BACH2: variants seen among roughly 807,000 people sequenced by gnomAD.
BACH2 encodes the protein BACH transcriptional regulator 2.
In BACH2, 5 loss-of-function variants were observed where a neutral mutation model predicts 61.8. The observed-to-expected ratio is 0.08, with a 90% CI of 0.04 to 0.17. BACH2 has a LOEUF of 0.17. Among genes scored for constraint, BACH2 ranks in the 10% least tolerant of loss-of-function variants. The pLI is 1.00. For missense variants in BACH2, 824 were observed against 1,091.1 expected (o/e 0.76, Z 3.45); for synonymous variants, 446 against 440.1 (o/e 1.01, Z -0.17).
chr6:90,172,944 T>C (rs1046634872), intron 4 of BACH2, among the ~76,000 whole-genome samples: 1 of 151,796 alleles, frequency 6.6e-6, no homozygotes, highest in Admixed American at 6.6e-5. Context: ...AAAAGAATGA[T>C]CCAAATTAAA....
chr6:90,292,087 T>C (rs1772198686), intron 1 of BACH2, among the ~76,000 whole-genome samples: 3 of 152,242 alleles, frequency 2.0e-5, no homozygotes. Flanking sequence ...GTTCTCTGTA[T>C]GTCACAGTCC....
intron 6 of BACH2, among the ~76,000 whole-genome samples, chr6:89,965,600 A>T (rs530291371): frequency 6.6e-6 from 1 of 152,364 alleles, no homozygotes; most frequent in Non-Finnish European, 1.5e-5. Flanking sequence ...AAACCGAGCT[A>T]GCCCTAGTAC....
chr6:90,141,266 C>T (rs111548256), intron 4 of BACH2, among the ~76,000 whole-genome samples: 8,166 of 152,190 alleles, frequency 0.054, 412 homozygotes, highest in Non-Finnish European at 0.08. Context: ...CTGCAACCTC[C>T]ACCTCCTGGG....
At chr6:90,052,506 G>A (rs563001496) in intron 5 of BACH2, among the ~76,000 whole-genome samples, 4 of 152,178 alleles carry the variant, frequency 2.6e-5, no homozygotes, top group East Asian at 3.9e-4. Context: ...TGCAACCTCC[G>A]TCTCCTGGGT....
intron 4 of BACH2, among the ~76,000 whole-genome samples, chr6:90,153,486 TCA>T (rs1210429164): frequency 1.3e-5 from 2 of 152,184 alleles, no homozygotes; most frequent in Non-Finnish European, 2.9e-5. Context: ...TACTATATTC[TCA>T]GTTAATGTCC....
At chr6:89,993,726 T>C (rs1776701577) in intron 6 of BACH2, among the ~76,000 whole-genome samples, 1 of 151,724 alleles carries the variant, frequency 6.6e-6, no homozygotes, top group South Asian at 2.1e-4. Context: ...TCAAGTGACA[T>C]GTGGATAGGG....
chr6:89,980,771 T>G (rs1775906793), intron 6 of BACH2, among the ~76,000 whole-genome samples: 1 of 152,236 alleles, frequency 6.6e-6, no homozygotes, highest in Non-Finnish European at 1.5e-5. Flanking sequence ...TTTCTTAATA[T>G]CATAGGATTC....
At chr6:90,064,203 T>C (rs1173150172) in intron 5 of BACH2, among the ~76,000 whole-genome samples, 1 of 152,194 alleles carries the variant, frequency 6.6e-6, no homozygotes, top group Non-Finnish European at 1.5e-5. Flanking sequence ...TTGAGTAGCA[T>C]TCACAACTTG....
At chr6:89,949,950 G>C (rs958588222) in intron 7 of BACH2, among the ~76,000 whole-genome samples, 3 of 151,962 alleles carry the variant, frequency 2.0e-5, no homozygotes, top group Non-Finnish European at 4.4e-5. Flanking sequence ...GAGGGGGAGA[G>C]AGGGAGGAGA....
intron 4 of BACH2, among the ~76,000 whole-genome samples, chr6:90,162,890 G>A (rs995412205): frequency 1.1e-4 from 16 of 152,164 alleles, no homozygotes; most frequent in African/African-American, 1.2e-4. Context: ...GTGTGTCTCC[G>A]AAATCTGCAA....
intron 5 of BACH2, among the ~76,000 whole-genome samples, chr6:90,062,367 T>G (rs1780728791): frequency 6.6e-6 from 1 of 152,210 alleles, no homozygotes; most frequent in South Asian, 2.1e-4. Flanking sequence ...ATCTGAAAGT[T>G]GTTTGGGTAG....
intron 6 of BACH2, among the ~76,000 whole-genome samples, chr6:89,952,582 C>G (rs1044530657): frequency 6.6e-6 from 1 of 152,130 alleles, no homozygotes; most frequent in Non-Finnish European, 1.5e-5. Context: ...AACAAACCGG[C>G]TCTCATTTAA....
intron 4 of BACH2, among the ~76,000 whole-genome samples, chr6:90,109,626 T>A (rs1783078290): frequency 6.6e-6 from 1 of 152,344 alleles, no homozygotes; most frequent in South Asian, 2.1e-4. Flanking sequence ...ATCTCAAGTA[T>A]AACATGGCCA....
chr6:90,255,837 A>G (rs150719630), intron 2 of BACH2, among the ~76,000 whole-genome samples: 41 of 152,294 alleles, frequency 2.7e-4, no homozygotes, highest in African/African-American at 9.6e-4. Flanking sequence ...GAAGGGTCCA[A>G]CGTGAAGCAG....
chr6:90,056,591 G>GGAATT (rs1381930081), intron 5 of BACH2, among the ~76,000 whole-genome samples: 2 of 151,952 alleles, frequency 1.3e-5, no homozygotes, highest in Non-Finnish European at 2.9e-5. Context: ...AGGATACCCA[G>GGAATT]GAATTGAACT....
chr6:89,963,123 A>G (rs540958031), intron 6 of BACH2, among the ~76,000 whole-genome samples: 1 of 152,350 alleles, frequency 6.6e-6, no homozygotes, highest in East Asian at 1.9e-4. Flanking sequence ...GCCAACAAAC[A>G]TATGAAAAGA....
intron 4 of BACH2, among the ~76,000 whole-genome samples, chr6:90,189,372 G>A (rs1195959753): frequency 6.6e-6 from 1 of 151,662 alleles, no homozygotes; most frequent in Non-Finnish European, 1.5e-5. Flanking sequence ...ACTTTGGGAG[G>A]CCGAGGCGGG....
At chr6:90,258,054 C>T (rs967356178) in intron 2 of BACH2, among the ~76,000 whole-genome samples, 3 of 152,182 alleles carry the variant, frequency 2.0e-5, no homozygotes, top group Non-Finnish European at 4.4e-5. Context: ...GGATTACAGG[C>T]GTGAGCCACT....
chr6:89,996,013 C>G (rs1344598968), intron 6 of BACH2, among the ~76,000 whole-genome samples: 1 of 152,226 alleles, frequency 6.6e-6, no homozygotes, highest in Non-Finnish European at 1.5e-5. Flanking sequence ...AGCTCAATCT[C>G]AGCCCCTGCC....
Sources: allele counts gnomAD v4.1 joint callset (sites outside exome capture counted in the v4.1 genomes callset), GRCh38; gene constraint gnomAD v4.1.1; transcripts MANE v1.5; gene names NCBI Gene and HGNC (gene_info 2026-07-23, HGNC 2026-07-21).